KCNH1: variants seen among roughly 807,000 people sequenced by gnomAD.
The protein encoded by KCNH1 is potassium voltage-gated channel subfamily H member 1.
In KCNH1, 27 loss-of-function variants were observed where a neutral mutation model predicts 69.2. The ratio of observed to expected loss-of-function variants is 0.39; its 90% CI spans 0.29 to 0.54. The LOEUF is 0.54. Ranked by LOEUF, KCNH1 falls within the 20% of genes least tolerant of loss-of-function variation. The probability of loss-of-function intolerance (pLI) is 0.68; values close to 1 mark genes in which losing one functional copy is unlikely to be tolerated. For synonymous variants in KCNH1, 456 were observed against 487.7 expected (o/e 0.93, Z 0.86); for missense variants, 798 against 1,261.6 (o/e 0.63, Z 5.57).
chr1:210,931,665 AAATTT>A (rs1335758683), intron 6 of KCNH1, among the ~76,000 whole-genome samples: 1 of 152,118 alleles, frequency 6.6e-6, no homozygotes, highest in Non-Finnish European at 1.5e-5. Flanking sequence ...TAATAAAATT[AAATTT>A]AATTTAATTT....
In KCNH1 at chr1:211,019,251, T is replaced by C. The variant is rs781342653; in HGVS notation, c.564A>G (p.Leu188=). The C allele has an allele frequency of 1.9e-6, 3 of 1,598,652 alleles. No individual in the cohort carries two copies. Among genetic ancestry groups the C allele is most frequent in the African/African-American group, 2.7e-5 (2 of 74,812 alleles). The change falls in exon 6 of 11, where the codon CTA becomes CTG. Residue 188 remains leucine, a synonymous_variant. Transcript: ENST00000271751. ...VHKHSRLAEV[L]QLGSDILPQY... ...GGGGAAGGATGTCTGAGCCCAGCTG[T>C]AGGACCTGTACAGAAAAACATGACC... is the stretch of plus-strand genomic sequence containing the variant.
rs1553359772 is a variant in KCNH1, at chr1:210,917,275, G to GAAAGA, written c.1462+2360_1462+2364dup. Among the ~76,000 whole-genome samples, 450 of 142,886 alleles carry GAAAGA rather than the reference G, an allele frequency of 3.1e-3. 6 individuals carry two copies. The highest frequency in any genetic ancestry group is 0.011 in the African/African-American group (400 of 37,488). The allele number at this position is 142,886 out of a possible 152,430, so 93.7% of individuals were successfully genotyped here. ...AGAAAGAAAGAAAGAAAGAAAGAAA[G>GAAAGA]AAAGAAAAGAAAAGAAAGAGAAACA... On this transcript the variant is annotated intron_variant, in intron 7 of 10. Coordinates refer to ENST00000271751, the MANE Select transcript of KCNH1 (RefSeq NM_172362.3).
chr1:210,694,647 A>G (rs1681598810), intron 10 of KCNH1, among the ~76,000 whole-genome samples: 2 of 152,152 alleles, frequency 1.3e-5, no homozygotes, highest in South Asian at 4.1e-4. Context: ...CCCTGGGGAG[A>G]GCCTCTGTTT....
rs1491359165 is a variant in KCNH1, at chr1:210,867,362, C to CACACATAT, written c.1462+52277_1462+52278insATATGTGT. On this transcript the variant is annotated intron_variant, in intron 7 of 10. Coordinates refer to ENST00000271751, the MANE Select transcript of KCNH1 (RefSeq NM_172362.3). ...ACACACACACACACACACACACACA[C>CACACATAT]ATATATATATATATATGTGTCCAAA... 8.9e-5 allele frequency among the ~76,000 whole-genome samples: 6 copies of CACACATAT among 67,336 alleles called. No individual in the cohort carries two copies. In the South Asian group the frequency reaches 1.6e-3, roughly 18 times the overall value. 44.2% of individuals were successfully genotyped at this position (67,336 alleles called of 152,430 possible). A position where few individuals can be genotyped will look rare whatever the true frequency, so the allele number is the denominator to read the frequency against.
chr1:210,950,391 C>A (rs1688043376), intron 6 of KCNH1, among the ~76,000 whole-genome samples: 1 of 99,508 alleles, frequency 1.0e-5, no homozygotes, highest in South Asian at 3.7e-4. Flanking sequence ...ACAACAGTCC[C>A]CAGAGTGTGA....
At chr1:211,016,332 A>G (rs1248048901) in intron 6 of KCNH1, among the ~76,000 whole-genome samples, 2 of 152,124 alleles carry the variant, frequency 1.3e-5, no homozygotes, top group East Asian at 3.9e-4. Context: ...CATTTTACAT[A>G]TGTGTTTATA....
chr1:210,936,662 C>G (rs1419698533), intron 6 of KCNH1, among the ~76,000 whole-genome samples: 1 of 152,198 alleles, frequency 6.6e-6, no homozygotes. Context: ...CTTGGCCCCT[C>G]CCTTACAGCC....
chr1:210,807,006 C>A (rs1205135781), intron 7 of KCNH1, among the ~76,000 whole-genome samples: 57 of 123,726 alleles, frequency 4.6e-4, no homozygotes, highest in African/African-American at 6.3e-4. Context: ...GACTCCATCT[C>A]AAAAAAAAAA....
At chr1:210,727,400 T>C (rs1041034303) in intron 10 of KCNH1, among the ~76,000 whole-genome samples, 25 of 152,166 alleles carry the variant, frequency 1.6e-4, no homozygotes, top group Non-Finnish European at 3.7e-4. Flanking sequence ...AGTCTCCCTA[T>C]GTTGCCTAGT....
intron 7 of KCNH1, among the ~76,000 whole-genome samples, chr1:210,814,204 C>T (rs1684768449): frequency 6.6e-6 from 1 of 152,044 alleles, no homozygotes; most frequent in Non-Finnish European, 1.5e-5. Flanking sequence ...GCTTTGGAGA[C>T]AAGAGATGCA....
At chr1:210,832,479 G>C (rs1208610530) in intron 7 of KCNH1, among the ~76,000 whole-genome samples, 1 of 152,122 alleles carries the variant, frequency 6.6e-6, no homozygotes, top group Non-Finnish European at 1.5e-5. Flanking sequence ...GAGGATTTAT[G>C]CCTCTCCAGA....
At chr1:210,970,607 T>C (rs1440525038) in intron 6 of KCNH1, among the ~76,000 whole-genome samples, 1 of 152,098 alleles carries the variant, frequency 6.6e-6, no homozygotes, top group African/African-American at 2.4e-5. Flanking sequence ...AAAAACTGGA[T>C]CTCTTCCTCA....
At chr1:210,895,147 GTTTACT>G (rs1353383541) in intron 7 of KCNH1, among the ~76,000 whole-genome samples, 1 of 143,676 alleles carries the variant, frequency 7.0e-6, no homozygotes, top group East Asian at 2.2e-4. Flanking sequence ...TAAGCTTTCT[GTTTACT>G]TTTGTTTCCT....
At chr1:211,002,336 G>GTA (rs751450327) in intron 6 of KCNH1, among the ~76,000 whole-genome samples, 1,764 of 141,442 alleles carry the variant, frequency 0.012, 44 homozygotes, top group African/African-American at 0.04. Context: ...ATGTGTGTGT[G>GTA]TGTATATATA....
At chr1:210,851,220 A>G (rs1047137584) in intron 7 of KCNH1, among the ~76,000 whole-genome samples, 5 of 152,182 alleles carry the variant, frequency 3.3e-5, no homozygotes, top group African/African-American at 7.2e-5. Context: ...GCTCCCAACT[A>G]ATAGAGAACA....
At position 210,902,957 on chromosome 1, in the gene KCNH1, T is replaced by C. The variant is rs562597715; in HGVS notation, c.1462+16683A>G. 5.3e-5 allele frequency among the ~76,000 whole-genome samples: 8 copies of C among 152,368 alleles called. No homozygotes were observed. The East Asian group carries it at 1.5e-3, about 29-fold the overall frequency. On this transcript the variant is annotated intron_variant, in intron 7 of 10. Transcript: ENST00000271751. ...CCTTCAGGAGAAAGTATAAGCTTTT[T>C]GGCACATAGATCCCTTCAAAAGTAG...
chr1:211,055,091 G>A (rs11119671), intron 5 of KCNH1, among the ~76,000 whole-genome samples: 55,875 of 151,832 alleles, frequency 0.37, 10,825 homozygotes, highest in South Asian at 0.45. Flanking sequence ...AAGCACCTAC[G>A]TAAGAGCCAA....
At chr1:210,781,993 G>T (rs1265925422) in intron 9 of KCNH1, among the ~76,000 whole-genome samples, 1 of 152,088 alleles carries the variant, frequency 6.6e-6, no homozygotes, top group African/African-American at 2.4e-5. Flanking sequence ...TCCAGGCACT[G>T]CCCCAGACAC....
At position 210,775,553 on chromosome 1, in the gene KCNH1, A is replaced by G. The variant is rs1354466623; in HGVS notation, c.1916-9T>C. The stretch of plus-strand genomic sequence containing the variant: ...AAACACGTCTCCTTTTCCTAAGGAG[A>G]GAAGGTTGTCATGAGGAAAGTGTTG... On this transcript the variant is annotated splice_polypyrimidine_tract_variant and intron_variant, in intron 9 of 10. Transcript: ENST00000271751. 1 of 1,610,666 alleles carries G rather than the reference A, an allele frequency of 6.2e-7. No homozygotes were observed. Among genetic ancestry groups the G allele is most frequent in the Non-Finnish European group, 8.5e-7 (1 of 1,177,560 alleles).
Sources: allele counts gnomAD v4.1 joint callset (sites outside exome capture counted in the v4.1 genomes callset), GRCh38; gene constraint gnomAD v4.1.1; transcripts MANE v1.5; gene names NCBI Gene and HGNC (gene_info 2026-07-23, HGNC 2026-07-21).